The following TRAPPC12 variants were observed in gnomAD, a reference collection of about 807,000 sequenced individuals.
TRAPPC12 encodes the protein trafficking protein particle complex subunit 12.
TRAPPC12 carries 61 observed loss-of-function variants against 69.2 expected under a neutral mutation model. That is an observed-to-expected ratio of 0.88 (90% CI 0.72 to 1.09). TRAPPC12 has a LOEUF of 1.09. Ranked by LOEUF, TRAPPC12 falls within the 50% of genes least tolerant of loss-of-function variation. TRAPPC12 has a pLI of 0.00. For synonymous variants in TRAPPC12, 469 were observed against 438.9 expected, an observed-to-expected ratio of 1.07 and a Z score of -0.86; for missense variants, 1,101 against 1,016.4, an observed-to-expected ratio of 1.08 and a Z score of -1.13.
chr2:3,384,255 G>A (rs551353433), intron 1 of TRAPPC12, among the ~76,000 whole-genome samples: 11 of 152,146 alleles, frequency 7.2e-5, no homozygotes, highest in East Asian at 1.9e-4. Flanking sequence ...AATCATACAC[G>A]AAGAATGAAG....
intron 3 of TRAPPC12, among the ~76,000 whole-genome samples, chr2:3,421,276 G>A (rs1662768601): frequency 6.6e-6 from 1 of 152,242 alleles, no homozygotes; most frequent in South Asian, 2.1e-4. Context: ...CAGTGTGTCA[G>A]TACCAGCCAG....
At chr2:3,391,263 C>A (rs1477008406) in intron 2 of TRAPPC12, among the ~76,000 whole-genome samples, 1 of 152,108 alleles carries the variant, frequency 6.6e-6, no homozygotes, top group Non-Finnish European at 1.5e-5. Flanking sequence ...ACCTACAGCC[C>A]CCTTTAGTGC....
At chr2:3,424,022 C>T (rs1662962141) in intron 4 of TRAPPC12, among the ~76,000 whole-genome samples, 2 of 152,156 alleles carry the variant, frequency 1.3e-5, no homozygotes, top group South Asian at 2.1e-4. Flanking sequence ...AAACACAACC[C>T]ATCCCTGCGC....
intron 8 of TRAPPC12, among the ~76,000 whole-genome samples, chr2:3,464,082 C>T (rs536625091): frequency 2.0e-5 from 3 of 152,250 alleles, no homozygotes; most frequent in Non-Finnish European, 2.9e-5. Context: ...GCCCCGAGTG[C>T]CCCCATGCCA....
chr2:3,412,513 A>T (rs925048464), intron 3 of TRAPPC12, among the ~76,000 whole-genome samples: 1 of 152,200 alleles, frequency 6.6e-6, no homozygotes, highest in Non-Finnish European at 1.5e-5. Flanking sequence ...GTGAGCCAAG[A>T]TCGCGCCACC....
chr2:3,397,808 A>G (rs1661216088), intron 2 of TRAPPC12, among the ~76,000 whole-genome samples: 1 of 152,224 alleles, frequency 6.6e-6, no homozygotes, highest in Admixed American at 6.5e-5. Context: ...TAGCAAAATA[A>G]GAATGTTGGG....
intron 5 of TRAPPC12, among the ~76,000 whole-genome samples, chr2:3,439,135 G>A (rs1299015694): frequency 2.0e-5 from 3 of 152,186 alleles, no homozygotes; most frequent in Non-Finnish European, 2.9e-5. Context: ...TGGATTTTTC[G>A]CTATTCTGAT....
chr2:3,424,531 T>C lies in TRAPPC12; in HGVS notation c.1285T>C (p.Phe429Leu). 1 of 1,612,786 alleles carries C rather than the reference T, an allele frequency of 6.2e-7. No homozygotes were observed. Among genetic ancestry groups the C allele is most frequent in the Non-Finnish European group, 8.5e-7 (1 of 1,179,766 alleles). Residue 429 changes from phenylalanine to leucine, a missense_variant, in exon 5 of 12, where the codon TTT (phenylalanine) becomes CTT (leucine). Coordinates refer to ENST00000324266, the MANE Select transcript of TRAPPC12 (RefSeq NM_016030.6). ...CATTGTATTTTGTTTTTAGCTCTGGTTTGTCAGGCTGGCACTACTAGTGAA... is the reference window on the plus strand; with the variant it reads ...CATTGTATTTTGTTTTTAGCTCTGGCTTGTCAGGCTGGCACTACTAGTGAA... ...SHTTDSLQLW[F>L]VRLALLVKLG...
Position 3,387,850 on chromosome 2 carries a change from C to A in TRAPPC12, c.227C>A (p.Pro76His). ...GAGAGCGTCCTCATCTCTGACTCCC[C>A]CAACAGCGAGGGCGACGCGGGCGAC... ...MMESVLISDS[P>H]NSEGDAGDLG... The change falls in exon 2 of 12, where the codon CCC becomes CAC. Residue 76 changes from proline (P) to histidine (H), a missense_variant. By Grantham distance (77) the Pro-to-His change is moderately conservative. Coordinates refer to ENST00000324266, the MANE Select transcript of TRAPPC12 (RefSeq NM_016030.6). The A allele has an allele frequency of 6.2e-7, 1 of 1,603,348 alleles. No individual in the cohort carries two copies. The highest frequency in any genetic ancestry group is 2.3e-5 in the East Asian group (1 of 44,374).
chr2:3,409,013 G>A (rs1661887431), intron 3 of TRAPPC12, among the ~76,000 whole-genome samples: 4 of 152,228 alleles, frequency 2.6e-5, no homozygotes, highest in Admixed American at 2.6e-4. Flanking sequence ...CCCGGCCAGG[G>A]GCAGTCTCCT....
chr2:3,446,837 G>GTAGACGA (rs1664535048), intron 6 of TRAPPC12, among the ~76,000 whole-genome samples: 1 of 152,194 alleles, frequency 6.6e-6, no homozygotes. Flanking sequence ...TTACAGTTTG[G>GTAGACGA]TAGACGATGC....
At chr2:3,474,695 T>C (rs1666225576) in intron 9 of TRAPPC12, among the ~76,000 whole-genome samples, 1 of 152,196 alleles carries the variant, frequency 6.6e-6, no homozygotes, top group Non-Finnish European at 1.5e-5. Context: ...CAAAAGGATA[T>C]GGTGGCTGTT....
intron 5 of TRAPPC12, among the ~76,000 whole-genome samples, chr2:3,429,228 G>A (rs1663290533): frequency 6.6e-6 from 1 of 152,228 alleles, no homozygotes; most frequent in Non-Finnish European, 1.5e-5. Flanking sequence ...CTTAAAGACT[G>A]TGTGGCTTTA....
intron 8 of TRAPPC12, chr2:3,463,066 C>T: frequency 2.3e-6 from 1 of 426,250 alleles, no homozygotes; most frequent in African/African-American, 2.0e-5. Context: ...AGACTTGTCC[C>T]TGGAAGTAAG....
At chr2:3,473,140 G>A (rs922592179) in intron 9 of TRAPPC12, among the ~76,000 whole-genome samples, 3 of 152,176 alleles carry the variant, frequency 2.0e-5, no homozygotes, top group African/African-American at 7.2e-5. Flanking sequence ...TTGACAGCCT[G>A]CCTGGTTCCC....
At chr2:3,475,395 G>T (rs546402697) in intron 9 of TRAPPC12, among the ~76,000 whole-genome samples, 53 of 151,846 alleles carry the variant, frequency 3.5e-4, no homozygotes, top group African/African-American at 1.3e-3. Context: ...TTACAGGTGT[G>T]AGCCACCATG....
chr2:3,409,073 G>A (rs958789265), intron 3 of TRAPPC12, among the ~76,000 whole-genome samples: 3 of 152,206 alleles, frequency 2.0e-5, no homozygotes, highest in African/African-American at 7.2e-5. Flanking sequence ...TTGCAGCCCA[G>A]TCCCCTCTGG....
intron 9 of TRAPPC12, chr2:3,467,317 G>A (rs1467621281): frequency 1.3e-5 from 2 of 152,222 alleles, no homozygotes; most frequent in African/African-American, 4.8e-5. Context: ...ACTCACCGAC[G>A]CCCCACACAA....
rs1662247900 is a variant in TRAPPC12 at position 3,414,681 on chromosome 2, A to G, written c.1165-7200A>G. ...CCTCACAGAGCTGTCAAGCGTGTCC[A>G]TGCCGTGCCGCTTGTGCCTCTGCCC... is the stretch of plus-strand genomic sequence containing the variant. On this transcript the variant is annotated intron_variant, in intron 3 of 11. Transcript: ENST00000324266. This position sits in a 1 kb window ranked among gnomAD's most constrained non-coding sequence, Gnocchi z 4.9. 6.6e-6 allele frequency among the ~76,000 whole-genome samples: 1 copy of G among 151,988 alleles called. No homozygotes were observed. The highest frequency in any genetic ancestry group is 2.4e-5 in the African/African-American group (1 of 41,366).
Sources: allele counts gnomAD v4.1 joint callset (sites outside exome capture counted in the v4.1 genomes callset), GRCh38; gene constraint gnomAD v4.1.1; non-coding constraint Gnocchi (gnomAD v3.1); transcripts MANE v1.5; gene names NCBI Gene and HGNC (gene_info 2026-07-23, HGNC 2026-07-21).